NSD2: variants seen among roughly 807,000 people sequenced by gnomAD.
NSD2 encodes the protein nuclear receptor binding SET domain protein 2, also known as histone-lysine N-methyltransferase NSD2.
NSD2 carries 12 observed loss-of-function variants against 139.0 expected under a neutral mutation model. That is an observed-to-expected ratio of 0.09 (90% CI 0.06 to 0.14). NSD2 has a LOEUF of 0.14. Among genes scored for constraint, NSD2 ranks in the 10% least tolerant of loss-of-function variants. The pLI is 1.00. For missense variants in NSD2, 1,155 were observed against 1,745.0 expected, an observed-to-expected ratio of 0.66 and a Z score of 6.02; for synonymous variants, 669 against 648.7, an observed-to-expected ratio of 1.03 and a Z score of -0.48.
intron 1 of NSD2, among the ~76,000 whole-genome samples, chr4:1,884,087 A>T (rs1714902361): frequency 6.6e-6 from 1 of 151,978 alleles, no homozygotes; most frequent in African/African-American, 2.4e-5. Context: ...TAAAAATTAG[A>T]TTTTTCTCCC....
intron 1 of NSD2, among the ~76,000 whole-genome samples, chr4:1,893,536 G>GTTTTTTTTTTTTTTT (rs1233706276): frequency 6.8e-6 from 1 of 146,280 alleles, no homozygotes; most frequent in African/African-American, 2.6e-5. Context: ...CTCTTTTTTT[G>GTTTTTTTTTTTTTTT]TTTTTTGTTT....
chr4:1,881,947 A>G (rs1245492864), intron 1 of NSD2, among the ~76,000 whole-genome samples: 1 of 152,160 alleles, frequency 6.6e-6, no homozygotes, highest in African/African-American at 2.4e-5. Flanking sequence ...TCTGTGATAG[A>G]GCAGGAAGAA....
chr4:1,981,658 A>G lies in NSD2; in HGVS notation c.*2749A>G. Reference sequence around the variant, plus strand: ...CCTCAGGCCGGCCTTTCTTCCGGCGACACCCGTCCATGGCTGGCTGGGTCC... The same window carrying G: ...CCTCAGGCCGGCCTTTCTTCCGGCGGCACCCGTCCATGGCTGGCTGGGTCC... On this transcript the variant is annotated 3_prime_UTR_variant, in exon 22 of 22. Coordinates refer to ENST00000508803, the MANE Select transcript of NSD2 (RefSeq NM_001042424.3). 1 of 391,720 alleles carries G rather than the reference A, an allele frequency of 2.6e-6. No homozygotes were observed. The highest frequency in any genetic ancestry group is 4.5e-5 in the Admixed American group (1 of 22,456). 24.3% of individuals were successfully genotyped at this position (391,720 alleles called of 1,614,324 possible). A position where few individuals can be genotyped will look rare whatever the true frequency, so the allele number is the denominator to read the frequency against.
Position 1,942,993 on chromosome 4 carries a change from CA to C in NSD2, c.1881+3216del, listed in dbSNP as rs1179273971. The C allele has an allele frequency of 3.8e-6, 4 of 1,051,046 alleles. No individual in the cohort carries two copies. The highest frequency in any genetic ancestry group is 3.3e-5 in the African/African-American group (2 of 60,214). 65.1% of individuals were successfully genotyped at this position (1,051,046 alleles called of 1,614,324 possible). On this transcript the variant is annotated intron_variant, in intron 9 of 21. Transcript: ENST00000508803. The surrounding 1 kb of genome is among the most constrained non-coding windows in gnomAD (Gnocchi z 4.0). ...AATTTTTAGAAAAAAATACCATTTA[CA>C]GTATTATTGTGAACCATTTAACCCT... is the stretch of plus-strand genomic sequence containing the variant.
Position 1,942,094 on chromosome 4 carries a change from G to A in NSD2, c.1881+2316G>A. ...GTACTTTTATAGGGTTGGTATTTCA[G>A]AACACTTTAGGTCATGTTGTAGTTT... On this transcript the variant is annotated intron_variant, in intron 9 of 21. Coordinates refer to ENST00000508803, the MANE Select transcript of NSD2 (RefSeq NM_001042424.3). This position sits in a 1 kb window ranked among gnomAD's most constrained non-coding sequence, Gnocchi z 4.0. The A allele has an allele frequency of 8.2e-7, 1 of 1,213,130 alleles. No individual in the cohort carries two copies. The highest frequency in any genetic ancestry group is 1.0e-6 in the Non-Finnish European group (1 of 969,316). The allele number at this position is 1,213,130 out of a possible 1,614,324, so 75.1% of individuals were successfully genotyped here.
intron 9 of NSD2, chr4:1,943,992 A>C: frequency 9.4e-7 from 1 of 1,065,518 alleles, no homozygotes; most frequent in African/African-American, 1.6e-5. Flanking sequence ...CAAATGACCA[A>C]ATGGTGTCCA....
chr4:1,939,705 C>T lies in NSD2; in HGVS notation c.1808C>T (p.Ala603Val). The T allele has an allele frequency of 6.2e-7, 1 of 1,614,246 alleles. No individual in the cohort carries two copies. The highest frequency in any genetic ancestry group is 8.5e-7 in the Non-Finnish European group (1 of 1,180,052). The stretch of plus-strand genomic sequence containing the variant: ...AAACCACTGAAGAAGCGAAATCGGG[C>T]TTCCACGGCAGCATCTTCAGCTCTT... Reference protein sequence around the residue: ...ACKPLKKRNRASTAASSALGF... With the variant: ...ACKPLKKRNRVSTAASSALGF... The change falls in exon 9 of 22, where the codon GCT (alanine) becomes GTT (valine). Residue 603 changes from alanine to valine, a missense_variant. Coordinates refer to ENST00000508803, the MANE Select transcript of NSD2 (RefSeq NM_001042424.3).
In NSD2 at chr4:1,974,455, C is replaced by CT. The variant is rs1577581677; in HGVS notation, c.3373-407dup. On this transcript the variant is annotated intron_variant, in intron 18 of 21. Transcript: ENST00000508803. The surrounding 1 kb of genome is among the most constrained non-coding windows in gnomAD (Gnocchi z 4.0). ...TCTCAAATTCCTGACCTCAGGTGAT[C>CT]TGCCTGCTTCAGCCTCCCAAAGTGC... 3.3e-5 allele frequency among the ~76,000 whole-genome samples: 5 copies of CT among 152,336 alleles called. 1 individual carries two copies. The highest frequency in any genetic ancestry group is 6.5e-5 in the Admixed American group (1 of 15,308).
chr4:1,924,971 T>TCTGCC (rs1198600136), intron 5 of NSD2, among the ~76,000 whole-genome samples: 1 of 152,152 alleles, frequency 6.6e-6, no homozygotes, highest in South Asian at 2.1e-4. Flanking sequence ...TGTCCAACAC[T>TCTGCC]CTGCCCTGCC....
chr4:1,887,886 A>G (rs1418954714), intron 1 of NSD2, among the ~76,000 whole-genome samples: 1 of 151,092 alleles, frequency 6.6e-6, no homozygotes, highest in Non-Finnish European at 1.5e-5. Context: ...GGTCAGTTAC[A>G]CTAGATCTGT....
chr4:1,963,760 T>C (rs957623837), intron 18 of NSD2, among the ~76,000 whole-genome samples: 5 of 152,190 alleles, frequency 3.3e-5, no homozygotes, highest in African/African-American at 1.2e-4. Context: ...ACGCCTGTAA[T>C]CCCAGCACTT....
At chr4:1,875,567 G>T (rs1365135772) in intron 1 of NSD2, among the ~76,000 whole-genome samples, 2 of 152,096 alleles carry the variant, frequency 1.3e-5, no homozygotes, top group Admixed American at 6.6e-5. Context: ...GCTTTTTAAA[G>T]AATTGATTGA....
rs367816556 is a variant in NSD2 at position 1,886,682 on chromosome 4, CA to C, written c.-29-13938del. 5.5e-3 allele frequency among the ~76,000 whole-genome samples: 843 copies of C among 151,968 alleles called. 9 individuals are homozygous for C. The highest frequency in any genetic ancestry group is 0.02 in the African/African-American group (813 of 41,466). On this transcript the variant is annotated intron_variant, in intron 1 of 21. Coordinates refer to ENST00000508803, the MANE Select transcript of NSD2 (RefSeq NM_001042424.3). ...CCGTCTCTACTAAAATACACACACCCAAAAAATTAGCCAGGCGTGGTGGCGT... is the reference window on the plus strand; with the variant it reads ...CCGTCTCTACTAAAATACACACACCCAAAAATTAGCCAGGCGTGGTGGCGT...
At chr4:1,952,374 G>A in intron 11 of NSD2, 143 bp downstream of exon 11, 7 of 1,279,908 alleles carry the variant, frequency 5.5e-6, no homozygotes, top group Non-Finnish European at 7.4e-6. Flanking sequence ...GGAGCTTGTA[G>A]CCCACAGCTG....
At chr4:1,906,484 C>T (rs1188862020) in intron 3 of NSD2, among the ~76,000 whole-genome samples, 2 of 151,872 alleles carry the variant, frequency 1.3e-5, no homozygotes, top group Admixed American at 6.6e-5. Context: ...CAGTGATCCG[C>T]TTGCCTCGGC....
intron 9 of NSD2, chr4:1,945,583 A>G (rs1020996905): frequency 3.8e-6 from 4 of 1,065,462 alleles, no homozygotes; most frequent in Non-Finnish European, 4.5e-6. Flanking sequence ...GCCTGATGTG[A>G]GTGTGTGGCA....
rs1727709953 is a variant in NSD2 at position 1,981,043 on chromosome 4, G to C, written c.*2134G>C. 1 of 233,186 alleles carries C rather than the reference G, an allele frequency of 4.3e-6. No homozygotes were observed. The highest frequency in any genetic ancestry group is 2.2e-5 in the African/African-American group (1 of 45,356). The allele number at this position is 233,186 out of a possible 1,614,324, so 14.4% of individuals were successfully genotyped here. A position where few individuals can be genotyped will look rare whatever the true frequency, so the allele number is the denominator to read the frequency against. On this transcript the variant is annotated 3_prime_UTR_variant, in exon 22 of 22. Coordinates refer to ENST00000508803, the MANE Select transcript of NSD2 (RefSeq NM_001042424.3). Reference sequence around the variant, plus strand: ...TACCAATGCTTACGTCAAAACAGCAGAATCGGCTTTGCAGTGCACTTTGGG... The same window carrying C: ...TACCAATGCTTACGTCAAAACAGCACAATCGGCTTTGCAGTGCACTTTGGG...
chr4:1,943,188 G>A (rs141298023), intron 9 of NSD2: 1 of 1,041,488 alleles, frequency 9.6e-7, no homozygotes, highest in African/African-American at 1.7e-5. Context: ...GTAAGGAAAA[G>A]GCTTACTTGC....
chr4:1,969,669 A>T (rs1726243309), intron 18 of NSD2, among the ~76,000 whole-genome samples: 1 of 152,190 alleles, frequency 6.6e-6, no homozygotes, highest in Non-Finnish European at 1.5e-5. Context: ...GGTCCTGTAC[A>T]ATTGTGCTCC....
Sources: allele counts gnomAD v4.1 joint callset (sites outside exome capture counted in the v4.1 genomes callset), GRCh38; gene constraint gnomAD v4.1.1; non-coding constraint Gnocchi (gnomAD v3.1); transcripts MANE v1.5; gene names NCBI Gene and HGNC (gene_info 2026-07-23, HGNC 2026-07-21).